The following FAM20C variants were observed in gnomAD, a reference collection of about 807,000 sequenced individuals.
The protein encoded by FAM20C is extracellular serine/threonine protein kinase FAM20C.
In FAM20C, 40 loss-of-function variants were observed where a neutral mutation model predicts 51.5. The observed-to-expected ratio is 0.78, with a 90% confidence interval of 0.60 to 1.01. The LOEUF (loss-of-function observed/expected upper bound fraction) is 1.01. Among genes scored for constraint, FAM20C ranks in the 50% least tolerant of loss-of-function variants. The pLI, the probability that FAM20C is intolerant of heterozygous loss-of-function variation, is 0.00. For missense variants in FAM20C, 861 were observed against 844.7 expected (o/e 1.02, Z -0.24); for synonymous variants, 406 against 380.6 (o/e 1.07, Z -0.78).
At chr7:223,277 T>C (rs1380371740) in intron 3 of FAM20C, among the ~76,000 whole-genome samples, 1 of 152,160 alleles carries the variant, frequency 6.6e-6, no homozygotes, top group Non-Finnish European at 1.5e-5. Flanking sequence ...GATTTCCGTG[T>C]TGTCAGATCG....
chr7:257,103 C>T lies in FAM20C; in HGVS notation c.1445+17C>T, dbSNP rs1226423694. ...TGGAAGAGGGTGAGCCTGTCCTCGC[C>T]CCTGCACACCCAGGGAAGGGCCGGC... On this transcript the variant is annotated intron_variant, in intron 8 of 9. Coordinates refer to ENST00000313766, the MANE Select transcript of FAM20C (RefSeq NM_020223.4). The T allele has an allele frequency of 3.3e-6, 5 of 1,536,220 alleles. No individual in the cohort carries two copies. The highest frequency in any genetic ancestry group is 2.6e-6 in the Non-Finnish European group (3 of 1,146,478).
intron 3 of FAM20C, among the ~76,000 whole-genome samples, chr7:222,370 G>C (rs912129821): frequency 6.6e-6 from 1 of 152,138 alleles, no homozygotes; most frequent in Admixed American, 6.5e-5. Flanking sequence ...ACTGAGAGCA[G>C]CTGGGGTCAC....
intron 3 of FAM20C, among the ~76,000 whole-genome samples, chr7:227,340 C>T (rs1787486447): frequency 6.6e-6 from 1 of 151,958 alleles, no homozygotes; most frequent in Non-Finnish European, 1.5e-5. Context: ...CATTCAAAAG[C>T]AGTTTGCTCA....
Position 255,927 on chromosome 7 carries a change from T to C in FAM20C, c.1151T>C (p.Ile384Thr). 2 of 1,536,334 alleles carry C rather than the reference T, an allele frequency of 1.3e-6. No individual in the cohort carries two copies. Among genetic ancestry groups the C allele is most frequent in the African/African-American group, 2.7e-5 (2 of 73,158 alleles). Residue 384 changes from isoleucine (I) to threonine (T), a missense_variant, in exon 6 of 10, where the codon ATC (isoleucine) becomes ACC (threonine). Physicochemically the swap from Ile to Thr is moderately conservative, Grantham distance 89 (BLOSUM62 -1). This residue lies in a region of FAM20C where 269 missense variants were observed against 283.8 expected (regional missense o/e 0.95). Coordinates refer to ENST00000313766, the MANE Select transcript of FAM20C (RefSeq NM_020223.4). ...EHALCGKPDQ[I>T]EGSLAAFLPD... ...GCCCTGTGCGGGAAGCCAGACCAGA[T>C]CGAGGGCTCGCTGGCGGCCTTCCTG...
intron 3 of FAM20C, among the ~76,000 whole-genome samples, chr7:211,182 A>G (rs1786692236): frequency 1.3e-5 from 1 of 74,696 alleles, no homozygotes; most frequent in Non-Finnish European, 2.6e-5. Flanking sequence ...AACCTCCCCC[A>G]ACCTCCCTCA....
chr7:203,484 C>T (rs990405208), intron 2 of FAM20C, among the ~76,000 whole-genome samples: 16 of 152,248 alleles, frequency 1.1e-4, no homozygotes, highest in Admixed American at 4.6e-4. Context: ...GCGTCTGTAC[C>T]TCCCACCCAT....
At chr7:201,861 A>G (rs1395031176) in intron 2 of FAM20C, among the ~76,000 whole-genome samples, 1 of 152,212 alleles carries the variant, frequency 6.6e-6, no homozygotes, top group Non-Finnish European at 1.5e-5. Flanking sequence ...CTTAGTGCTG[A>G]CAGCAACATG....
chr7:194,363 G>A (rs1018404885), intron 1 of FAM20C, among the ~76,000 whole-genome samples: 2 of 152,080 alleles, frequency 1.3e-5, no homozygotes, highest in Non-Finnish European at 2.9e-5. Context: ...AGGGCGAGAA[G>A]CCACGGCAGG....
At chr7:258,140 GACTGGGGTGCTGGAGATAGGCAGGGTGGA>G in intron 8 of FAM20C, among the ~76,000 whole-genome samples, 2 of 122,288 alleles carry the variant, frequency 1.6e-5, no homozygotes, top group African/African-American at 3.1e-5. Flanking sequence ...TGGACCCACT[GACTGGGGTGCTGGAGATAGGCAGGGTGGA>G]CCCACTGCCT....
At chr7:241,809 G>A (rs1159361906) in intron 3 of FAM20C, among the ~76,000 whole-genome samples, 3 of 151,824 alleles carry the variant, frequency 2.0e-5, no homozygotes, top group South Asian at 2.1e-4. Context: ...ACGTGTGAAT[G>A]TGCATCTGTG....
chr7:232,106 C>T (rs570670986), intron 3 of FAM20C, among the ~76,000 whole-genome samples: 10 of 152,366 alleles, frequency 6.6e-5, no homozygotes, highest in African/African-American at 2.2e-4. Flanking sequence ...GCCCCTTTCC[C>T]TGCTCGGCCG....
At chr7:199,215 T>C (rs985643097) in intron 2 of FAM20C, among the ~76,000 whole-genome samples, 1 of 152,218 alleles carries the variant, frequency 6.6e-6, no homozygotes, top group African/African-American at 2.4e-5. Flanking sequence ...GAACTTCCAG[T>C]TGGAGGATCT....
chr7:214,978 G>C (rs867220558), intron 3 of FAM20C, among the ~76,000 whole-genome samples: 1 of 152,088 alleles, frequency 6.6e-6, no homozygotes, highest in Non-Finnish European at 1.5e-5. Flanking sequence ...ACTCAGACTC[G>C]AAGCCTGAAG....
At chr7:251,233 TC>T (rs1788390987) in intron 5 of FAM20C, among the ~76,000 whole-genome samples, 1 of 131,330 alleles carries the variant, frequency 7.6e-6, no homozygotes, top group Non-Finnish European at 1.5e-5. Flanking sequence ...GCACGGCGGC[TC>T]ACGCCTGCAC....
At chr7:217,633 CTT>C (rs201077313) in intron 3 of FAM20C, among the ~76,000 whole-genome samples, 28 of 152,274 alleles carry the variant, frequency 1.8e-4, no homozygotes, top group Non-Finnish European at 3.1e-4. Context: ...CTTCTGAGGC[CTT>C]TCTCGCACCC....
rs893498224 is a variant in FAM20C at position 259,938 on chromosome 7, T to A, written c.1713T>A (p.Asp571Glu). The change falls in exon 10 of 10, where the codon GAT becomes GAA. Residue 571 changes from aspartate to glutamate, a missense_variant. This residue lies in a region of FAM20C where 269 missense variants were observed against 283.8 expected (regional missense o/e 0.95). Coordinates refer to ENST00000313766, the MANE Select transcript of FAM20C (RefSeq NM_020223.4). ...GGAACGGGCTCCACAGCGTGGTGGA[T>A]GACGACCTGGACACTGAGCACAGAG... ...VERNGLHSVVDDDLDTEHRAA... is the reference protein window; with the variant it reads ...VERNGLHSVVEDDLDTEHRAA... The A allele has an allele frequency of 1.8e-5, 27 of 1,531,336 alleles. No individual in the cohort carries two copies. Among genetic ancestry groups the A allele is most frequent in the Non-Finnish European group, 2.3e-5 (26 of 1,142,974 alleles). The allele number at this position is 1,531,336 out of a possible 1,614,324, so 94.9% of individuals were successfully genotyped here.
chr7:202,421 T>C (rs1786176468), intron 2 of FAM20C, among the ~76,000 whole-genome samples: 1 of 138,684 alleles, frequency 7.2e-6, no homozygotes. Flanking sequence ...GACGGGTGAC[T>C]GCTGGGTGGG....
chr7:241,049 G>C (rs1341639974), intron 3 of FAM20C, among the ~76,000 whole-genome samples: 1 of 150,488 alleles, frequency 6.6e-6, no homozygotes, highest in African/African-American at 2.5e-5. Context: ...GCCCCAAGTG[G>C]GGCCGGGGCT....
intron 1 of FAM20C, among the ~76,000 whole-genome samples, chr7:194,897 C>G (rs1485049817): frequency 6.6e-6 from 1 of 152,216 alleles, no homozygotes; most frequent in Admixed American, 6.5e-5. Flanking sequence ...GACGGAGGGT[C>G]TGTCCCTCCT....
Sources: gnomAD v4.1 joint callset for allele counts (sites outside exome capture counted in the v4.1 genomes callset) on GRCh38, gnomAD v4.1.1 for gene constraint, gnomAD v4.1.1 regional missense constraint, MANE v1.5 for transcripts, NCBI Gene and HGNC (gene_info 2026-07-23, HGNC 2026-07-21) for gene names.